SH3KBP1: variants seen among roughly 807,000 people sequenced by gnomAD.
The protein encoded by SH3KBP1 is SH3 domain-containing kinase-binding protein 1.
Under a neutral mutation model 50.1 loss-of-function variants are expected in SH3KBP1, and 8 were observed. That is an observed-to-expected ratio of 0.16 (90% CI 0.09 to 0.29). The LOEUF (loss-of-function observed/expected upper bound fraction) is 0.29. Among genes scored for constraint, SH3KBP1 ranks in the 10% least tolerant of loss-of-function variants. The pLI is 1.00. For synonymous variants in SH3KBP1, 227 were observed against 218.6 expected (o/e 1.04, Z -0.34); for missense variants, 377 against 535.2 (o/e 0.70, Z 2.92).
chrX:19,597,949 C>T (rs2066957202), intron 9 of SH3KBP1, among the ~76,000 whole-genome samples: 1 of 112,858 alleles, frequency 8.9e-6, no homozygotes, highest in Non-Finnish European at 1.9e-5. Context: ...TTCATCAAAG[C>T]TAGATCTTCT....
intron 12 of SH3KBP1, among the ~76,000 whole-genome samples, chrX:19,585,913 C>T (rs1185624299): frequency 8.9e-6 from 1 of 111,871 alleles, no homozygotes; most frequent in Non-Finnish European, 1.9e-5. Context: ...GGCTTTCCTC[C>T]CCCACACCCT....
intron 16 of SH3KBP1, among the ~76,000 whole-genome samples, chrX:19,538,907 G>C (rs2064802784): frequency 8.9e-6 from 1 of 112,159 alleles, no homozygotes; most frequent in African/African-American, 3.2e-5. Flanking sequence ...ATTTTCAATA[G>C]GGTTTTTAAT....
chrX:19,712,508 T>C (rs968782890), intron 3 of SH3KBP1, among the ~76,000 whole-genome samples: 17 of 111,486 alleles, frequency 1.5e-4, no homozygotes, highest in Non-Finnish European at 2.6e-4. Flanking sequence ...CAAAAGAACA[T>C]TGACAAATAC....
chrX:19,695,894 C>T (rs908782015), intron 4 of SH3KBP1, among the ~76,000 whole-genome samples, 153 bp from the exon 5 acceptor site: 4 of 110,841 alleles, frequency 3.6e-5, no homozygotes, highest in African/African-American at 1.3e-4. Flanking sequence ...AAAAAAAGAC[C>T]ACATAGAGCC....
intron 3 of SH3KBP1, among the ~76,000 whole-genome samples, chrX:19,735,036 A>G (rs1603148989): frequency 8.9e-6 from 1 of 112,270 alleles, no homozygotes; most frequent in East Asian, 2.8e-4. Flanking sequence ...ATACTGGGTC[A>G]TATGGGTGAC....
chrX:19,684,091 C>T, intron 5 of SH3KBP1, 63 bp from the exon 6 acceptor site: 2 of 955,337 alleles, frequency 2.1e-6, no homozygotes. Flanking sequence ...TGAAGAAGAA[C>T]TTCACAACCA....
chrX:19,885,762 G>T (rs1264263569), intron 1 of SH3KBP1, among the ~76,000 whole-genome samples: 1 of 111,375 alleles, frequency 9.0e-6, no homozygotes, highest in Non-Finnish European at 1.9e-5. Context: ...GGCCTGTAAG[G>T]TTTAAAGTAT....
chrX:19,669,302 CTTTGAATAAT>C (rs2062719990), intron 6 of SH3KBP1, among the ~76,000 whole-genome samples: 1 of 99,656 alleles, frequency 1.0e-5, no homozygotes, highest in African/African-American at 4.1e-5. Context: ...TATTCTTCAA[CTTTGAATAAT>C]AATAATAATA....
rs753645590 is a variant in SH3KBP1 at position 19,536,151 on chromosome X, A to T, written c.*266T>A. 1 of 239,603 alleles carries T rather than the reference A, an allele frequency of 4.2e-6. No individual in the cohort carries two copies. Among genetic ancestry groups the T allele is most frequent in the African/African-American group, 2.8e-5 (1 of 35,272 alleles). 19.7% of individuals were successfully genotyped at this position (239,603 alleles called of 1,213,427 possible). On this transcript the variant is annotated 3_prime_UTR_variant, in exon 18 of 18. Transcript: ENST00000397821. ...TAAACTGCCTGAGTTTTCATTTCGC[A>T]TTGAGATCTCAGAGTAGAAAAGCCT... is the stretch of plus-strand genomic sequence containing the variant.
chrX:19,813,662 T>C (rs751503650), intron 2 of SH3KBP1, among the ~76,000 whole-genome samples: 2 of 111,235 alleles, frequency 1.8e-5, no homozygotes, highest in African/African-American at 6.5e-5. Flanking sequence ...AGAAGCCCCC[T>C]GTTAGGCTGG....
intron 12 of SH3KBP1, among the ~76,000 whole-genome samples, chrX:19,569,434 C>T (rs777940920): frequency 8.9e-6 from 1 of 112,237 alleles, no homozygotes; most frequent in Non-Finnish European, 1.9e-5. Flanking sequence ...AATGACTGTT[C>T]GCCCATGTAC....
chrX:19,812,644 CATAGTGAGACCCCGTCTCTACAAAAAAA>C (rs1828193767), intron 2 of SH3KBP1, among the ~76,000 whole-genome samples: 1 of 79,139 alleles, frequency 1.3e-5, no homozygotes, highest in Non-Finnish European at 2.3e-5. Flanking sequence ...GCCTGGGCAA[CATAGTGAGACCCCGTCTCTACAAAAAAA>C]AAAAAAAAAA....
chrX:19,816,155 C>T (rs2067349659), intron 2 of SH3KBP1, among the ~76,000 whole-genome samples: 1 of 112,260 alleles, frequency 8.9e-6, no homozygotes, highest in Admixed American at 9.4e-5. Context: ...GCAACCTTGC[C>T]AGCATTTGGT....
At chrX:19,672,028 G>A (rs1332868711) in intron 6 of SH3KBP1, among the ~76,000 whole-genome samples, 2 of 111,821 alleles carry the variant, frequency 1.8e-5, no homozygotes, top group African/African-American at 6.5e-5. Flanking sequence ...TCTGTAAGGG[G>A]CTTTAAATAA....
intron 1 of SH3KBP1, among the ~76,000 whole-genome samples, chrX:19,853,463 C>G (rs949120268): frequency 1.8e-5 from 2 of 110,816 alleles, no homozygotes; most frequent in Non-Finnish European, 3.8e-5. Context: ...GATGTCTCAC[C>G]AACTGCATAG....
At chrX:19,843,175 C>G (rs921930671) in intron 1 of SH3KBP1, among the ~76,000 whole-genome samples, 4 of 106,480 alleles carry the variant, frequency 3.8e-5, no homozygotes, top group South Asian at 4.2e-4. Flanking sequence ...CCTGCCACAA[C>G]GCCCAGCTAA....
At chrX:19,552,501 G>A (rs1446514886) in intron 13 of SH3KBP1, among the ~76,000 whole-genome samples, 1 of 110,412 alleles carries the variant, frequency 9.1e-6, no homozygotes, top group East Asian at 2.8e-4. Flanking sequence ...AGAGGGGGCT[G>A]TTAAAGTTTC....
At chrX:19,728,599 T>C (rs1416651472) in intron 3 of SH3KBP1, among the ~76,000 whole-genome samples, 2 of 112,496 alleles carry the variant, frequency 1.8e-5, no homozygotes, top group African/African-American at 6.5e-5. Flanking sequence ...ATGTGGGAAC[T>C]TGATTTGTTC....
At chrX:19,869,562 C>T (rs2068985162) in intron 1 of SH3KBP1, among the ~76,000 whole-genome samples, 1 of 112,449 alleles carries the variant, frequency 8.9e-6, no homozygotes. Context: ...CTCACCCTGA[C>T]CAGTCCAGTG....
Sources: gnomAD v4.1 joint callset for allele counts (sites outside exome capture counted in the v4.1 genomes callset) on GRCh38, gnomAD v4.1.1 for gene constraint, MANE v1.5 for transcripts, NCBI Gene and HGNC (gene_info 2026-07-23, HGNC 2026-07-21) for gene names.